CMC1: variants seen among roughly 807,000 people sequenced by gnomAD.
CMC1 encodes the protein COX assembly mitochondrial protein homolog.
Under a neutral mutation model 14.1 loss-of-function variants are expected in CMC1, and 14 were observed. That is an observed-to-expected ratio of 0.99 (90% CI 0.66 to 1.55). The LOEUF is 1.55. Ranked by LOEUF, CMC1 falls within the 40% of genes most tolerant of loss-of-function variation. CMC1 has a pLI of 0.00. For synonymous variants in CMC1, 50 were observed against 38.4 expected, an observed-to-expected ratio of 1.30 and a Z score of -1.12; for missense variants, 127 against 123.8, an observed-to-expected ratio of 1.03 and a Z score of -0.12.
At position 28,322,580 on chromosome 3, in the gene CMC1, G is replaced by A. The variant is rs926215122; in HGVS notation, c.*2951G>A. 1.3e-5 allele frequency: 2 copies of A among 151,500 alleles called. No individual in the cohort carries two copies. Among genetic ancestry groups the A allele is most frequent in the Non-Finnish European group, 1.5e-5 (1 of 67,386 alleles). The allele number at this position is 151,500 out of a possible 1,614,324, so 9.4% of individuals were successfully genotyped here. ...TTGCTGCTTTGTTATTACACAGGTA[G>A]TTGCTTCCTTCAGCTAAAGCCTGGA... On this transcript the variant is annotated 3_prime_UTR_variant, in exon 4 of 4. Transcript: ENST00000466830.
At chr3:28,262,349 A>C (rs965645643) in intron 1 of CMC1, among the ~76,000 whole-genome samples, 21 of 152,042 alleles carry the variant, frequency 1.4e-4, no homozygotes, top group Non-Finnish European at 2.9e-4. Context: ...ATAATCTAAA[A>C]TCTTCTTTCC....
intron 2 of CMC1, among the ~76,000 whole-genome samples, chr3:28,265,342 T>C (rs1164342595): frequency 6.6e-6 from 1 of 152,090 alleles, no homozygotes; most frequent in African/African-American, 2.4e-5. Flanking sequence ...ACCATATAAA[T>C]TAGGAAATCA....
chr3:28,299,067 A>G (rs1389476835), intron 2 of CMC1, among the ~76,000 whole-genome samples: 2 of 152,090 alleles, frequency 1.3e-5, no homozygotes, highest in African/African-American at 4.8e-5. Flanking sequence ...AAACAAGTCA[A>G]GTTTATTTTA....
At chr3:28,295,967 A>G (rs1325664577) in intron 2 of CMC1, among the ~76,000 whole-genome samples, 1 of 152,082 alleles carries the variant, frequency 6.6e-6, no homozygotes, top group East Asian at 1.9e-4. Context: ...TCTGGGTTAT[A>G]TTTCTCCTAT....
At chr3:28,242,311 T>C (rs1698569862) in intron 1 of CMC1, among the ~76,000 whole-genome samples, 1 of 152,236 alleles carries the variant, frequency 6.6e-6, no homozygotes, top group African/African-American at 2.4e-5. Context: ...TTGAATGTTG[T>C]TTTAATCTCT....
At chr3:28,276,749 C>T (rs1700609077) in intron 2 of CMC1, among the ~76,000 whole-genome samples, 1 of 152,104 alleles carries the variant, frequency 6.6e-6, no homozygotes, top group Non-Finnish European at 1.5e-5. Flanking sequence ...TACTGAAATA[C>T]ATTTTTATAG....
intron 2 of CMC1, among the ~76,000 whole-genome samples, chr3:28,296,298 C>A (rs1171825985): frequency 6.6e-6 from 1 of 151,922 alleles, no homozygotes; most frequent in East Asian, 1.9e-4. Context: ...GAAATAACTT[C>A]CTGTTTGACA....
chr3:28,324,535 T>A lies in CMC1; in HGVS notation c.*4906T>A. 10 of 1,236,480 alleles carry A rather than the reference T, an allele frequency of 8.1e-6. No individual in the cohort carries two copies. The highest frequency in any genetic ancestry group is 8.6e-6 in the Non-Finnish European group (8 of 932,862). 76.6% of individuals were successfully genotyped at this position (1,236,480 alleles called of 1,614,324 possible). ...TTCGATAACACTTCACCAATTTGAATTCTAGAACTGGTGATGAAATTAAGA... is the reference window on the plus strand; with the variant it reads ...TTCGATAACACTTCACCAATTTGAAATCTAGAACTGGTGATGAAATTAAGA... On this transcript the variant is annotated 3_prime_UTR_variant, in exon 4 of 4. Coordinates refer to ENST00000466830, the MANE Select transcript of CMC1 (RefSeq NM_182523.2).
At chr3:28,302,106 G>A (rs898502740) in intron 2 of CMC1, among the ~76,000 whole-genome samples, 1 of 152,136 alleles carries the variant, frequency 6.6e-6, no homozygotes, top group African/African-American at 2.4e-5. Context: ...CAGGGCCCTC[G>A]ATAAGTAGTA....
chr3:28,243,455 C>G (rs1698641217), intron 1 of CMC1, among the ~76,000 whole-genome samples: 1 of 152,330 alleles, frequency 6.6e-6, no homozygotes, highest in Non-Finnish European at 1.5e-5. Flanking sequence ...TATATCTACA[C>G]TTTTTGAATT....
intron 2 of CMC1, among the ~76,000 whole-genome samples, chr3:28,280,195 A>G (rs771535775): frequency 2.0e-5 from 3 of 152,210 alleles, no homozygotes; most frequent in South Asian, 2.1e-4. Context: ...CAACATTTAT[A>G]TAGTGTTTCA....
At chr3:28,244,725 CAAAA>C (rs558381085) in intron 1 of CMC1, among the ~76,000 whole-genome samples, 1 of 115,866 alleles carries the variant, frequency 8.6e-6, no homozygotes, top group Non-Finnish European at 1.8e-5. Flanking sequence ...GACTTCGTCT[CAAAA>C]AAAAAAAAAA....
At position 28,260,148 on chromosome 3, in the gene CMC1, G is replaced by C. The variant is rs971190315; in HGVS notation, c.20-3143G>C. Among the ~76,000 whole-genome samples, 50 of 152,122 alleles carry C rather than the reference G, an allele frequency of 3.3e-4. 1 individual carries two copies. Among genetic ancestry groups the C allele is most frequent in the African/African-American group, 1.1e-3 (44 of 41,514 alleles). On this transcript the variant is annotated intron_variant, in intron 1 of 3. Coordinates refer to ENST00000466830, the MANE Select transcript of CMC1 (RefSeq NM_182523.2). ...GAATTTTGAATGGTGAACCACCCTT[G>C]CCTCCCTGGAATAAGTCCAACATTT...
rs573961209 is a variant in CMC1 at position 28,262,563 on chromosome 3, T to C, written c.20-728T>C. ...TCAGAGCATGGAGCAGCACCCACTTTTGGCATGCGTGTTTTTCCTGGATAC... is the reference window on the plus strand; with the variant it reads ...TCAGAGCATGGAGCAGCACCCACTTCTGGCATGCGTGTTTTTCCTGGATAC... On this transcript the variant is annotated intron_variant, in intron 1 of 3. Transcript: ENST00000466830. Among the ~76,000 whole-genome samples the C allele has an allele frequency of 4.6e-5, 7 of 152,292 alleles. No individual in the cohort carries two copies. The South Asian group carries it at 1.4e-3, about 32-fold the overall frequency.
chr3:28,314,837 A>G (rs1326135571), intron 2 of CMC1, among the ~76,000 whole-genome samples: 1 of 152,142 alleles, frequency 6.6e-6, no homozygotes, highest in East Asian at 1.9e-4. Context: ...TTTTTGTTAC[A>G]TAATTATGTA....
intron 2 of CMC1, among the ~76,000 whole-genome samples, chr3:28,276,820 G>A (rs1435108782): frequency 1.3e-5 from 2 of 152,186 alleles, no homozygotes; most frequent in Non-Finnish European, 2.9e-5. Flanking sequence ...ACAAAACTCT[G>A]GAATGTATTA....
chr3:28,264,500 A>T (rs1371796603), intron 2 of CMC1, among the ~76,000 whole-genome samples: 2 of 152,174 alleles, frequency 1.3e-5, no homozygotes, highest in Admixed American at 6.6e-5. Flanking sequence ...TTTAAAACTC[A>T]TATAAATAAC....
intron 2 of CMC1, among the ~76,000 whole-genome samples, chr3:28,283,539 C>CAAA (rs1701005808): frequency 1.1e-5 from 1 of 92,154 alleles, no homozygotes; most frequent in African/African-American, 4.1e-5. Flanking sequence ...ACAACAACAA[C>CAAA]AACAACAAAA....
At chr3:28,311,848 A>G (rs952298012) in intron 2 of CMC1, among the ~76,000 whole-genome samples, 1 of 152,206 alleles carries the variant, frequency 6.6e-6, no homozygotes, top group African/African-American at 2.4e-5. Context: ...CCCTCTTTCA[A>G]ATTGTATCAT....
Sources: allele counts gnomAD v4.1 joint callset (sites outside exome capture counted in the v4.1 genomes callset), GRCh38; gene constraint gnomAD v4.1.1; transcripts MANE v1.5; gene names NCBI Gene and HGNC (gene_info 2026-07-23, HGNC 2026-07-21).